The following MRPL47 variants were observed in gnomAD, a reference collection of about 807,000 sequenced individuals.
MRPL47 encodes the protein mitochondrial ribosomal protein L47, also known as large ribosomal subunit protein uL29m.
Under a neutral mutation model 34.0 loss-of-function variants are expected in MRPL47, and 31 were observed. The observed-to-expected ratio is 0.91, with a 90% CI of 0.68 to 1.23. MRPL47 has a LOEUF of 1.23. Ranked by LOEUF, MRPL47 falls within the 50% of genes most tolerant of loss-of-function variation. The pLI is 0.00. For missense variants in MRPL47, 328 were observed against 285.8 expected (o/e 1.15, Z -1.07); for synonymous variants, 106 against 101.6 (o/e 1.04, Z -0.26).
chr3:179,602,603 G>C (rs768901821), intron 2 of MRPL47, 49 bp downstream of exon 2: 51 of 849,166 alleles, frequency 6.0e-5, no homozygotes, highest in Non-Finnish European at 8.4e-5. Context: ...CGGGGCGGGG[G>C]GGGGGGTTCC....
rs754938790 is a variant in MRPL47 at position 179,593,771 on chromosome 3, A to G, written c.527T>C (p.Ile176Thr). 2.0e-5 allele frequency: 32 copies of G among 1,613,250 alleles called. No homozygotes were observed. The highest frequency in any genetic ancestry group is 4.0e-5 in the African/African-American group (3 of 74,874). ...CACAGTGTTAACTACATACCAGATG[A>G]TTCTTCCAAAGATGTCTCTTCTCCA... ...GAWRRDIFGRIIWHKFKQWVI... is the reference protein window; with the variant it reads ...GAWRRDIFGRTIWHKFKQWVI... Residue 176 changes from isoleucine to threonine, a missense_variant, in exon 5 of 7, where the codon ATC (isoleucine) becomes ACC (threonine). By Grantham distance (89) the Ile-to-Thr change is moderately conservative (BLOSUM62 -1). Coordinates refer to ENST00000476781, the MANE Select transcript of MRPL47 (RefSeq NM_020409.3).
chr3:179,588,636 T>G lies in MRPL47; in HGVS notation c.*236A>C, dbSNP rs1043023183. Reference sequence around the variant, plus strand: ...GTAGCAGGTGACATTTAAAGCCTGCTTAAATGTCAGAATTTATAAAGTGGG... The same window carrying G: ...GTAGCAGGTGACATTTAAAGCCTGCGTAAATGTCAGAATTTATAAAGTGGG... On this transcript the variant is annotated 3_prime_UTR_variant, in exon 7 of 7. Transcript: ENST00000476781. 5 of 332,982 alleles carry G rather than the reference T, an allele frequency of 1.5e-5. No individual in the cohort carries two copies. Among genetic ancestry groups the G allele is most frequent in the Non-Finnish European group, 2.8e-5 (5 of 181,636 alleles). 20.6% of individuals were successfully genotyped at this position (332,982 alleles called of 1,614,324 possible).
chr3:179,602,823 T>C, intron 1 of MRPL47, 26 bp from the exon 2 acceptor site: 1 of 1,550,618 alleles, frequency 6.4e-7, no homozygotes, highest in South Asian at 1.2e-5. Flanking sequence ...CATAAACAAG[T>C]AAAAGTTTTA....
intron 4 of MRPL47, among the ~76,000 whole-genome samples, chr3:179,594,370 G>A (rs1034922118): frequency 6.6e-6 from 1 of 152,162 alleles, no homozygotes; most frequent in African/African-American, 2.4e-5. Flanking sequence ...AGTCCATCCA[G>A]ATATGAATCT....
intron 4 of MRPL47, among the ~76,000 whole-genome samples, chr3:179,596,259 C>G (rs1220678323): frequency 6.6e-6 from 1 of 152,126 alleles, no homozygotes; most frequent in East Asian, 1.9e-4. Context: ...AGAATTATAT[C>G]CCAATTATAA....
chr3:179,589,382 T>G (rs1718614043), intron 6 of MRPL47, among the ~76,000 whole-genome samples: 1 of 152,190 alleles, frequency 6.6e-6, no homozygotes. Flanking sequence ...TCTCAGGATA[T>G]CTCTCATGAT....
chr3:179,596,093 G>T (rs1035520999), intron 4 of MRPL47, among the ~76,000 whole-genome samples: 1 of 152,136 alleles, frequency 6.6e-6, no homozygotes, highest in Admixed American at 6.5e-5. Context: ...TATAGTGAGG[G>T]TCATTTATCT....
intron 3 of MRPL47, among the ~76,000 whole-genome samples, chr3:179,601,356 G>A (rs115374001): frequency 0.01 from 1,548 of 152,278 alleles, 27 homozygotes; most frequent in African/African-American, 0.035. Context: ...GCAGTAAGCC[G>A]TTACTGTACC....
intron 4 of MRPL47, among the ~76,000 whole-genome samples, chr3:179,594,292 C>G (rs189731997): frequency 6.6e-6 from 1 of 152,256 alleles, no homozygotes; most frequent in African/African-American, 2.4e-5. Flanking sequence ...ATCACTGTGT[C>G]CTTGACATGC....
In MRPL47 at chr3:179,589,014, AAC is replaced by A; in HGVS notation, c.630-21_630-20del. ...TTCCAGTCTAGAATAAAAAAAGCGT[AAC>A]AGCAATTTATACAAAAATATTTCCT... On this transcript the variant is annotated intron_variant, in intron 6 of 6. Coordinates refer to ENST00000476781, the MANE Select transcript of MRPL47 (RefSeq NM_020409.3). 9 of 1,587,984 alleles carry A rather than the reference AAC, an allele frequency of 5.7e-6. No homozygotes were observed. The highest frequency in any genetic ancestry group is 6.0e-6 in the Non-Finnish European group (7 of 1,170,662).
At chr3:179,598,423 C>T (rs540350388) in intron 4 of MRPL47, among the ~76,000 whole-genome samples, 2 of 137,302 alleles carry the variant, frequency 1.5e-5, no homozygotes, top group Non-Finnish European at 3.1e-5. Flanking sequence ...CACACACACA[C>T]ACAAACAAAA....
intron 4 of MRPL47, 63 bp from the exon 5 acceptor site, chr3:179,593,958 G>A: frequency 2.0e-6 from 3 of 1,471,960 alleles, no homozygotes; most frequent in Non-Finnish European, 2.8e-6. Flanking sequence ...CCAAAAAAGA[G>A]AATGTATAAA....
chr3:179,598,425 C>CACACACACACACACACACAA (rs1718841949), intron 4 of MRPL47, among the ~76,000 whole-genome samples: 1 of 125,912 alleles, frequency 7.9e-6, no homozygotes, highest in East Asian at 2.6e-4. Flanking sequence ...CACACACACA[C>CACACACACACACACACACAA]AAACAAAAAA....
Position 179,598,771 on chromosome 3 carries a change from C to T in MRPL47, c.306G>A (p.Trp102Ter). 2 of 1,596,228 alleles carry T rather than the reference C, an allele frequency of 1.3e-6. No individual in the cohort carries two copies. Among genetic ancestry groups the T allele is most frequent in the Non-Finnish European group, 1.7e-6 (2 of 1,164,444 alleles). Residue 102 changes from tryptophan to a stop codon, truncating the protein, a stop_gained and splice_region_variant, in exon 4 of 7, where the codon TGG (tryptophan) becomes TGA (stop). Coordinates refer to ENST00000476781, the MANE Select transcript of MRPL47 (RefSeq NM_020409.3). LOFTEE classifies it high-confidence loss of function. ...TGTTTCTTTCTTTCAGTAAGACATA[C>T]CTATACAAAAGAACACAAACCTTGT... ...NKSNEDLHKL[W>*]YVLLKERNML...
At chr3:179,589,085 A>G (rs1718602006) in intron 6 of MRPL47, 90 bp from the exon 7 acceptor site, 1 of 1,305,396 alleles carries the variant, frequency 7.7e-7, no homozygotes, top group African/African-American at 1.5e-5. Flanking sequence ...AATTACATCA[A>G]AGCTTCAAAC....
chr3:179,598,736 G>A lies in MRPL47; in HGVS notation c.341C>T (p.Thr114Ile), dbSNP rs980822883. ...VLLKERNMLLTLEQEAKRQRL... is the reference protein window; with the variant it reads ...VLLKERNMLLILEQEAKRQRL... The stretch of plus-strand genomic sequence containing the variant: ...CTGCCGCTTGGCCTCCTGCTCTAGG[G>A]TTAGAAGCATGTTTCTTTCTTTCAG... The change falls in exon 4 of 7, where the codon ACC (threonine) becomes ATC (isoleucine). Residue 114 changes from threonine to isoleucine, a missense_variant. By Grantham distance (89) the Thr-to-Ile change is moderately conservative (BLOSUM62 -1). Coordinates refer to ENST00000476781, the MANE Select transcript of MRPL47 (RefSeq NM_020409.3). 10 of 1,612,520 alleles carry A rather than the reference G, an allele frequency of 6.2e-6. No homozygotes were observed. The highest frequency in any genetic ancestry group is 8.5e-6 in the Non-Finnish European group (10 of 1,178,872).
chr3:179,592,858 A>G (rs2108379425), intron 5 of MRPL47, 119 bp from the exon 6 acceptor site: 2 of 648,612 alleles, frequency 3.1e-6, no homozygotes, highest in Non-Finnish European at 5.4e-6. Flanking sequence ...AAACATAAAC[A>G]TTTTTAGTGA....
chr3:179,598,625 C>T (rs1718850779), intron 4 of MRPL47, 50 bp downstream of exon 4: 1 of 1,138,406 alleles, frequency 8.8e-7, no homozygotes. Context: ...ATACTCACTC[C>T]TTTTAGCTGT....
intron 1 of MRPL47, 105 bp downstream of exon 1, chr3:179,604,422 G>A (rs1460735303): frequency 9.1e-7 from 1 of 1,104,158 alleles, no homozygotes; most frequent in South Asian, 1.4e-5. Context: ...CTGCCATCCA[G>A]GCGGCCGTTC....
Sources: gnomAD v4.1 joint callset for allele counts (sites outside exome capture counted in the v4.1 genomes callset) on GRCh38, gnomAD v4.1.1 for gene constraint, MANE v1.5 for transcripts, NCBI Gene and HGNC (gene_info 2026-07-23, HGNC 2026-07-21) for gene names.